Variants in MNAT1 observed in about 807,000 individuals in gnomAD.
MNAT1 encodes CDK-activating kinase assembly factor MAT1.
In MNAT1, 43 loss-of-function variants were observed where a neutral mutation model predicts 42.0. That is an observed-to-expected ratio of 1.02 (90% CI 0.80 to 1.32). The LOEUF (loss-of-function observed/expected upper bound fraction) is 1.32, where lower values mean the gene tolerates loss of function less well. Among genes scored for constraint, MNAT1 ranks in the 40% most tolerant of loss-of-function variants. MNAT1 has a pLI of 0.00. For missense variants in MNAT1, 306 were observed against 350.4 expected (o/e 0.87, Z 1.01); for synonymous variants, 118 against 120.0 (o/e 0.98, Z 0.11).
rs1324775914 is a variant in MNAT1, at chr14:60,799,721, C to T, written c.316+1561C>T. ...AAAAATATATATATATATATACACA[C>T]ACACACTGCATATATATGTGTGTGT... On this transcript the variant is annotated intron_variant, in intron 3 of 7. Coordinates refer to ENST00000261245, the MANE Select transcript of MNAT1 (RefSeq NM_002431.4). Among the ~76,000 whole-genome samples, 3 of 151,608 alleles carry T rather than the reference C, an allele frequency of 2.0e-5. No individual in the cohort carries two copies. The East Asian group carries it at 5.8e-4, about 29-fold the overall frequency.
intron 1 of MNAT1, among the ~76,000 whole-genome samples, chr14:60,783,479 C>T (rs1284140851): frequency 1.3e-5 from 2 of 152,178 alleles, no homozygotes; most frequent in African/African-American, 4.8e-5. Flanking sequence ...ATAATACATA[C>T]CATTATGTTG....
At chr14:60,753,361 C>T (rs1203635124) in intron 1 of MNAT1, among the ~76,000 whole-genome samples, 1 of 152,170 alleles carries the variant, frequency 6.6e-6, no homozygotes, top group Admixed American at 6.5e-5. Context: ...ATTGAAAATA[C>T]AGTATTCACA....
intron 1 of MNAT1, chr14:60,779,946 T>G: frequency 4.9e-6 from 7 of 1,433,402 alleles, no homozygotes; most frequent in Non-Finnish European, 5.9e-6. Context: ...GCGCGTGCCT[T>G]TGTTTGTGTC....
At chr14:60,958,302 T>C (rs1205526914) in intron 7 of MNAT1, among the ~76,000 whole-genome samples, 12 of 152,168 alleles carry the variant, frequency 7.9e-5, no homozygotes, top group Non-Finnish European at 1.8e-4. Context: ...ATAAAGTATT[T>C]TTGGTTGGCA....
intron 3 of MNAT1, among the ~76,000 whole-genome samples, chr14:60,805,413 A>G (rs1479751958): frequency 6.6e-6 from 1 of 152,218 alleles, no homozygotes; most frequent in African/African-American, 2.4e-5. Flanking sequence ...AGATATCATT[A>G]TCACACAAAG....
At chr14:60,762,991 C>A (rs533569514) in intron 1 of MNAT1, among the ~76,000 whole-genome samples, 2 of 152,024 alleles carry the variant, frequency 1.3e-5, no homozygotes, top group African/African-American at 4.8e-5. Context: ...CCAAAAGGAA[C>A]CTTATAAATC....
chr14:60,876,524 CCAAAAATTT>C lies in MNAT1; in HGVS notation c.688-3188_688-3180del, dbSNP rs1163766466. On this transcript the variant is annotated intron_variant, in intron 6 of 7. Coordinates refer to ENST00000261245, the MANE Select transcript of MNAT1 (RefSeq NM_002431.4). ...CTGCATCTATCACCACCGTTCATTT[CCAAAAATTT>C]CTCATCTTCCTCAACTCAACCTGTA... is the stretch of plus-strand genomic sequence containing the variant. Among the ~76,000 whole-genome samples, 3 of 152,068 alleles carry C rather than the reference CCAAAAATTT, an allele frequency of 2.0e-5. No individual in the cohort carries two copies. In the East Asian group the frequency reaches 5.8e-4, roughly 29 times the overall value.
At chr14:60,858,530 C>A (rs2139429687) in intron 6 of MNAT1, among the ~76,000 whole-genome samples, 1 of 151,888 alleles carries the variant, frequency 6.6e-6, no homozygotes, top group Middle Eastern at 3.4e-3. Context: ...GTTGCCTGTT[C>A]ACTCTGCAGT....
intron 1 of MNAT1, among the ~76,000 whole-genome samples, chr14:60,758,671 A>G (rs904985315): frequency 6.6e-6 from 1 of 152,128 alleles, no homozygotes; most frequent in Non-Finnish European, 1.5e-5. Context: ...CTTCCTGCTT[A>G]AACTTCTTTG....
chr14:60,937,265 C>G (rs961824664), intron 7 of MNAT1, among the ~76,000 whole-genome samples: 1 of 152,040 alleles, frequency 6.6e-6, no homozygotes, highest in Non-Finnish European at 1.5e-5. Flanking sequence ...CTTTTGTTGC[C>G]ATTGCTTTTG....
chr14:60,791,415 G>C (rs1594756148), intron 1 of MNAT1, among the ~76,000 whole-genome samples: 1 of 152,128 alleles, frequency 6.6e-6, no homozygotes, highest in East Asian at 1.9e-4. Context: ...TATTCCAAAA[G>C]CACTTTGTTG....
intron 7 of MNAT1, among the ~76,000 whole-genome samples, chr14:60,914,595 T>C (rs979088601): frequency 6.6e-6 from 1 of 152,146 alleles, no homozygotes; most frequent in African/African-American, 2.4e-5. Context: ...ATATGCTATG[T>C]ATGCAGCTGC....
chr14:60,896,732 C>T lies in MNAT1; in HGVS notation c.809+16897C>T, dbSNP rs2034964733. Among the ~76,000 whole-genome samples the T allele has an allele frequency of 2.0e-5, 3 of 152,092 alleles. 1 individual carries two copies. Among genetic ancestry groups the T allele is most frequent in the South Asian group, 2.1e-4 (1 of 4,826 alleles). Reference sequence around the variant, plus strand: ...GAACTCTGACCCCACGTGATCCACACGCCTCAGCCTCCCAAAGTGCTGGGA... The same window carrying T: ...GAACTCTGACCCCACGTGATCCACATGCCTCAGCCTCCCAAAGTGCTGGGA... On this transcript the variant is annotated intron_variant, in intron 7 of 7. Coordinates refer to ENST00000261245, the MANE Select transcript of MNAT1 (RefSeq NM_002431.4).
chr14:60,786,314 A>ACTCG (rs4151191), intron 1 of MNAT1, among the ~76,000 whole-genome samples: 2 of 994 alleles, frequency 2.0e-3, no homozygotes, highest in African/African-American at 3.0e-3. Context: ...AAAATATTTT[A>ACTCG]GTACTAATAA....
chr14:60,821,720 T>C (rs2032894965), intron 6 of MNAT1, among the ~76,000 whole-genome samples: 1 of 152,240 alleles, frequency 6.6e-6, no homozygotes, highest in East Asian at 1.9e-4. Context: ...TGCCTTGTAT[T>C]GCAATTGGCT....
chr14:60,931,542 C>T (rs1489481771), intron 7 of MNAT1, among the ~76,000 whole-genome samples: 1 of 152,176 alleles, frequency 6.6e-6, no homozygotes, highest in African/African-American at 2.4e-5. Flanking sequence ...GTAAAAGATT[C>T]TGTGATAACA....
At chr14:60,778,955 A>C (rs904182252) in intron 1 of MNAT1, among the ~76,000 whole-genome samples, 1 of 152,182 alleles carries the variant, frequency 6.6e-6, no homozygotes, top group Non-Finnish European at 1.5e-5. Context: ...TATGCTTTCC[A>C]TTCATATAGC....
intron 1 of MNAT1, among the ~76,000 whole-genome samples, chr14:60,780,792 GAATTTATTGTGC>G (rs2031431719): frequency 1.3e-5 from 2 of 151,762 alleles, no homozygotes; most frequent in South Asian, 4.2e-4. Flanking sequence ...TTAACATCAT[GAATTTATTGTGC>G]ATTATTCAAA....
At chr14:60,800,535 G>T (rs1484191211) in intron 3 of MNAT1, among the ~76,000 whole-genome samples, 4 of 152,090 alleles carry the variant, frequency 2.6e-5, no homozygotes, top group Non-Finnish European at 5.9e-5. Flanking sequence ...GCATGCCCAT[G>T]TCTCAAAAAA....
Sources: gnomAD v4.1 joint callset for allele counts (sites outside exome capture counted in the v4.1 genomes callset) on GRCh38, gnomAD v4.1.1 for gene constraint, MANE v1.5 for transcripts, NCBI Gene and HGNC (gene_info 2026-07-23, HGNC 2026-07-21) for gene names.